FNIP1: variants seen among roughly 807,000 people sequenced by gnomAD.
FNIP1 encodes the protein folliculin-interacting protein 1.
In FNIP1, 40 loss-of-function variants were observed where a neutral mutation model predicts 124.5. The ratio of observed to expected loss-of-function variants is 0.32; its 90% CI spans 0.25 to 0.42. The LOEUF is 0.42. FNIP1 is among the 10% of genes least tolerant of loss of function. FNIP1 has a pLI of 1.00. For missense variants in FNIP1, 1,176 were observed against 1,403.7 expected (o/e 0.84, Z 2.59); for synonymous variants, 472 against 470.6 (o/e 1.00, Z -0.04).
At chr5:131,695,914 C>G (rs1317670355) in intron 11 of FNIP1, among the ~76,000 whole-genome samples, 5 of 152,224 alleles carry the variant, frequency 3.3e-5, no homozygotes, top group Non-Finnish European at 7.3e-5. Context: ...TTTTCCTTAA[C>G]TGTAGAACAC....
At chr5:131,649,418 G>C (rs1766980107) in intron 16 of FNIP1, among the ~76,000 whole-genome samples, 1 of 152,128 alleles carries the variant, frequency 6.6e-6, no homozygotes, top group Non-Finnish European at 1.5e-5. Context: ...TAATGATGTT[G>C]AGCATATTTT....
Position 131,672,468 on chromosome 5 carries a change from T to C in FNIP1, c.1976A>G (p.Asn659Ser). 3 of 1,613,532 alleles carry C rather than the reference T, an allele frequency of 1.9e-6. No homozygotes were observed. Among genetic ancestry groups the C allele is most frequent in the African/African-American group, 2.7e-5 (2 of 75,056 alleles). ...TCTGTACTGTTTAACATCAACAGCATTTTCTTCTTGGCAGTCAGAAGGAGA... is the reference window on the plus strand; with the variant it reads ...TCTGTACTGTTTAACATCAACAGCACTTTCTTCTTGGCAGTCAGAAGGAGA... ...MISPSDCQEE[N>S]AVDVKQYRDK... The change falls in exon 14 of 18, where the codon AAT becomes AGT. Residue 659 changes from asparagine to serine, a missense_variant. Physicochemically the swap from Asn to Ser is conservative, Grantham distance 46. Around this residue, in one of 2 missense-constraint regions of FNIP1, gnomAD observed 1,109 missense variants for 1,288.5 expected, o/e 0.86. Transcript: ENST00000510461.
chr5:131,675,544 G>C (rs1304647648), intron 13 of FNIP1, among the ~76,000 whole-genome samples: 1 of 152,104 alleles, frequency 6.6e-6, no homozygotes, highest in Non-Finnish European at 1.5e-5. Context: ...GCATTAAAAA[G>C]GAATGAACCA....
intron 1 of FNIP1, among the ~76,000 whole-genome samples, chr5:131,746,334 A>G (rs781182752): frequency 1.3e-5 from 2 of 151,794 alleles, no homozygotes; most frequent in African/African-American, 2.4e-5. Context: ...CATATATCTC[A>G]TGATGCTGAG....
intron 1 of FNIP1, among the ~76,000 whole-genome samples, chr5:131,753,386 G>C (rs578182547): frequency 4.9e-4 from 74 of 152,238 alleles, no homozygotes; most frequent in African/African-American, 1.7e-3. Context: ...AACAAACTAC[G>C]ATATATTCCT....
chr5:131,667,207 C>G (rs2149512676), intron 15 of FNIP1, among the ~76,000 whole-genome samples: 1 of 152,316 alleles, frequency 6.6e-6, no homozygotes, highest in East Asian at 1.9e-4. Flanking sequence ...CTTATTTTCT[C>G]TGTTGCTAAG....
At chr5:131,698,144 C>T (rs751822573) in intron 11 of FNIP1, among the ~76,000 whole-genome samples, 1 of 152,026 alleles carries the variant, frequency 6.6e-6, no homozygotes, top group Non-Finnish European at 1.5e-5. Flanking sequence ...GGGTCAAAAA[C>T]GCTAATGCAC....
At chr5:131,734,148 T>C (rs1432235449) in intron 2 of FNIP1, among the ~76,000 whole-genome samples, 5 of 152,212 alleles carry the variant, frequency 3.3e-5, no homozygotes, top group Non-Finnish European at 7.3e-5. Context: ...TGATGGTAGT[T>C]TGTATTTCTG....
Position 131,651,787 on chromosome 5 carries a change from G to A in FNIP1, c.3306+15C>T. ...CAGTGCTTAAAGTAATGCAAGCAGT[G>A]TTACACATACTTACAAAATTTGGAG... On this transcript the variant is annotated intron_variant, in intron 16 of 17. Coordinates refer to ENST00000510461, the MANE Select transcript of FNIP1 (RefSeq NM_133372.3). The A allele has an allele frequency of 6.2e-7, 1 of 1,611,922 alleles. No homozygotes were observed. The highest frequency in any genetic ancestry group is 1.1e-5 in the South Asian group (1 of 90,942).
Position 131,720,183 on chromosome 5 carries a change from A to G in FNIP1, c.355-766T>C, listed in dbSNP as rs1769611160. 3.3e-5 allele frequency among the ~76,000 whole-genome samples: 5 copies of G among 152,330 alleles called. No homozygotes were observed. The South Asian group carries it at 1.0e-3, about 32-fold the overall frequency. On this transcript the variant is annotated intron_variant, in intron 3 of 17. Transcript: ENST00000510461. ...ACCAATGGAACAGAACAAACAGCCC[A>G]GAAATAAACCTACATGTATACAGTC...
At chr5:131,753,308 T>A (rs1580811645) in intron 1 of FNIP1, among the ~76,000 whole-genome samples, 2 of 152,194 alleles carry the variant, frequency 1.3e-5, no homozygotes, top group East Asian at 3.8e-4. Flanking sequence ...AAATAAATGT[T>A]CACAAATACT....
intron 1 of FNIP1, among the ~76,000 whole-genome samples, chr5:131,767,334 C>G (rs1048422605): frequency 7.4e-6 from 1 of 134,640 alleles, no homozygotes; most frequent in Non-Finnish European, 1.6e-5. Context: ...GAGGCTGAGG[C>G]GGGAGAATCG....
At chr5:131,737,208 G>A (rs1770341957) in intron 2 of FNIP1, among the ~76,000 whole-genome samples, 3 of 152,136 alleles carry the variant, frequency 2.0e-5, no homozygotes, top group South Asian at 2.1e-4. Context: ...ACTGCACCTT[G>A]TCCCCTCATT....
intron 11 of FNIP1, among the ~76,000 whole-genome samples, chr5:131,693,327 TATATAC>T (rs1251000691): frequency 1.6e-4 from 10 of 62,476 alleles, no homozygotes; most frequent in Admixed American, 4.3e-4. Flanking sequence ...CACATATATA[TATATAC>T]ATATATATAT....
At chr5:131,738,110 G>T (rs945200620) in intron 2 of FNIP1, among the ~76,000 whole-genome samples, 1 of 151,986 alleles carries the variant, frequency 6.6e-6, no homozygotes, top group Non-Finnish European at 1.5e-5. Context: ...TATTGCCCAG[G>T]CTGGCCTCAA....
chr5:131,695,761 G>C (rs1455836929), intron 11 of FNIP1, among the ~76,000 whole-genome samples: 1 of 152,138 alleles, frequency 6.6e-6, no homozygotes, highest in Non-Finnish European at 1.5e-5. Flanking sequence ...AGGTTCAAAT[G>C]TTTATTAAAA....
At chr5:131,684,715 C>A (rs1438905098) in intron 11 of FNIP1, among the ~76,000 whole-genome samples, 1 of 151,998 alleles carries the variant, frequency 6.6e-6, no homozygotes, top group Non-Finnish European at 1.5e-5. Flanking sequence ...GATCAGTATC[C>A]TGTTTGGAGG....
At chr5:131,683,833 T>C (rs1768174677) in intron 11 of FNIP1, among the ~76,000 whole-genome samples, 1 of 152,222 alleles carries the variant, frequency 6.6e-6, no homozygotes, top group Non-Finnish European at 1.5e-5. Flanking sequence ...TTAGCAACAC[T>C]GAACCACTGC....
rs965456021 is a variant in FNIP1, at chr5:131,744,578, C to T, written c.205G>A (p.Asp69Asn). The T allele has an allele frequency of 1.2e-6, 2 of 1,603,862 alleles. No individual in the cohort carries two copies. The highest frequency in any genetic ancestry group is 2.7e-5 in the African/African-American group (2 of 74,438). Residue 69 changes from aspartate to asparagine, a missense_variant, in exon 2 of 18, where the codon GAC (aspartate) becomes AAC (asparagine). Coordinates refer to ENST00000510461, the MANE Select transcript of FNIP1 (RefSeq NM_133372.3). ...ATGATGCTCACCGATACTGATATGT[C>T]CTCATTTCTTCTCTTAACACTGGAG... ...FDSSVKRRNEDISVSKLGSDA... is the reference protein window; with the variant it reads ...FDSSVKRRNENISVSKLGSDA...
Sources: gnomAD v4.1 joint callset for allele counts (sites outside exome capture counted in the v4.1 genomes callset) on GRCh38, gnomAD v4.1.1 for gene constraint, gnomAD v4.1.1 regional missense constraint, MANE v1.5 for transcripts, NCBI Gene and HGNC (gene_info 2026-07-23, HGNC 2026-07-21) for gene names.